PDLIM5: variants seen among roughly 807,000 people sequenced by gnomAD.
The protein encoded by PDLIM5 is PDZ and LIM domain protein 5.
A neutral mutation model predicts 64.2 loss-of-function variants in PDLIM5; 34 were observed. The observed-to-expected ratio is 0.53, with a 90% confidence interval of 0.40 to 0.71. The LOEUF (loss-of-function observed/expected upper bound fraction) is 0.71. Among genes scored for constraint, PDLIM5 ranks in the 30% least tolerant of loss-of-function variants. PDLIM5 has a pLI of 0.00. For synonymous variants in PDLIM5, 253 were observed against 269.1 expected, an observed-to-expected ratio of 0.94 and a Z score of 0.59; for missense variants, 683 against 733.6, an observed-to-expected ratio of 0.93 and a Z score of 0.80.
chr4:94,455,608 A>G (rs1723265579), intron 2 of PDLIM5: 1 of 654,130 alleles, frequency 1.5e-6, no homozygotes, highest in South Asian at 2.0e-5. Context: ...GTTATCAATA[A>G]TAAAATGGAA....
At chr4:94,663,941 C>G (rs761802496) in intron 12 of PDLIM5, 37 bp from the exon 13 acceptor site, 25 of 1,584,736 alleles carry the variant, frequency 1.6e-5, no homozygotes, top group Non-Finnish European at 2.0e-5. Context: ...TTAATATCCT[C>G]TTAAATAATA....
chr4:94,655,194 AT>A (rs1320062996), intron 10 of PDLIM5, among the ~76,000 whole-genome samples: 3 of 152,016 alleles, frequency 2.0e-5, no homozygotes, highest in Non-Finnish European at 2.9e-5. Flanking sequence ...TGGAAAAATA[AT>A]TTTTTTTCCT....
At chr4:94,561,946 A>G (rs1027997697) in intron 3 of PDLIM5, among the ~76,000 whole-genome samples, 1 of 152,230 alleles carries the variant, frequency 6.6e-6, no homozygotes, top group Non-Finnish European at 1.5e-5. Flanking sequence ...TGATTATGTC[A>G]GAAGCAAATT....
chr4:94,537,474 G>A (rs1731412979), intron 3 of PDLIM5, among the ~76,000 whole-genome samples: 1 of 151,950 alleles, frequency 6.6e-6, no homozygotes, highest in Non-Finnish European at 1.5e-5. Context: ...CATTTGAAGA[G>A]GATTTAAATA....
At chr4:94,591,466 T>C (rs907702985) in intron 7 of PDLIM5, among the ~76,000 whole-genome samples, 2 of 152,180 alleles carry the variant, frequency 1.3e-5, no homozygotes, top group Non-Finnish European at 2.9e-5. Context: ...GTGGAGGACT[T>C]GATACCTCTG....
chr4:94,551,063 G>A (rs1258876073), intron 3 of PDLIM5, among the ~76,000 whole-genome samples: 2 of 152,196 alleles, frequency 1.3e-5, no homozygotes, highest in Non-Finnish European at 2.9e-5. Flanking sequence ...AGAACAAGAT[G>A]AAAGGATACC....
At chr4:94,604,826 C>T (rs1332135820) in intron 7 of PDLIM5, among the ~76,000 whole-genome samples, 1 of 152,062 alleles carries the variant, frequency 6.6e-6, no homozygotes, top group Non-Finnish European at 1.5e-5. Context: ...ACTTGAAAAT[C>T]GTTAAGATAG....
In PDLIM5 at chr4:94,494,771, CAG is replaced by C. The variant is rs370449649; in HGVS notation, c.97-28950_97-28949del. ...TTTTTGCTATCGTTGTTTTTTGTGA[CAG>C]AGTCTTGCCCTGTCACCCAGGCTGG... is the stretch of plus-strand genomic sequence containing the variant. On this transcript the variant is annotated intron_variant, in intron 2 of 12. Transcript: ENST00000317968. 3.4e-3 allele frequency among the ~76,000 whole-genome samples: 516 copies of C among 151,132 alleles called. 1 individual carries two copies. Among genetic ancestry groups the C allele is most frequent in the African/African-American group, 0.012 (478 of 41,146 alleles).
intron 2 of PDLIM5, among the ~76,000 whole-genome samples, chr4:94,502,546 G>A (rs1055865425): frequency 6.6e-6 from 1 of 152,044 alleles, no homozygotes; most frequent in African/African-American, 2.4e-5. Context: ...TACAAATTGA[G>A]GATAAAAGTA....
intron 2 of PDLIM5, chr4:94,456,550 C>T: frequency 1.4e-6 from 1 of 719,752 alleles, no homozygotes; most frequent in Non-Finnish European, 2.5e-6. Flanking sequence ...TGAGATCATT[C>T]TCTATTAATA....
chr4:94,650,099 G>A (rs1238669853), intron 9 of PDLIM5, among the ~76,000 whole-genome samples: 1 of 152,210 alleles, frequency 6.6e-6, no homozygotes, highest in African/African-American at 2.4e-5. Flanking sequence ...AATTAAGAGT[G>A]ACAAATACAG....
At chr4:94,618,212 G>T in intron 8 of PDLIM5, 21 bp downstream of exon 8, 2 of 1,531,764 alleles carry the variant, frequency 1.3e-6, no homozygotes, top group South Asian at 2.4e-5. Context: ...GAAATCTCTT[G>T]CGTCTTGCTT....
At chr4:94,505,680 A>G (rs970641480) in intron 2 of PDLIM5, among the ~76,000 whole-genome samples, 4 of 152,124 alleles carry the variant, frequency 2.6e-5, no homozygotes, top group African/African-American at 7.2e-5. Flanking sequence ...CTTTACTTAC[A>G]TTTACCCATT....
At chr4:94,659,655 GT>G (rs1305833205) in intron 11 of PDLIM5, among the ~76,000 whole-genome samples, 5 of 151,516 alleles carry the variant, frequency 3.3e-5, no homozygotes, top group Admixed American at 2.0e-4. Flanking sequence ...AGCCTCCTGA[GT>G]AGCTGGGACT....
chr4:94,527,346 C>T lies in PDLIM5; in HGVS notation c.248+3471C>T, dbSNP rs561437796. On this transcript the variant is annotated intron_variant, in intron 3 of 12. Transcript: ENST00000317968. ...CTGGTATTACAGGCATGAGTCACCA[C>T]GCGTGGCCCTGAACAGCATTCTTAA... 2.1e-4 allele frequency among the ~76,000 whole-genome samples: 32 copies of T among 152,046 alleles called. 1 individual carries two copies. The South Asian group carries it at 4.2e-3, about 20-fold the overall frequency.
Position 94,576,173 on chromosome 4 carries a change from A to G in PDLIM5, c.710+139A>G, listed in dbSNP as rs1735235167. 1.2e-5 allele frequency: 8 copies of G among 670,840 alleles called. No homozygotes were observed. The Admixed American group carries it at 1.7e-4, about 15-fold the overall frequency. The allele number at this position is 670,840 out of a possible 1,614,324, so 41.6% of individuals were successfully genotyped here. A position where few individuals can be genotyped will look rare whatever the true frequency, so the allele number is the denominator to read the frequency against. On this transcript the variant is annotated intron_variant, in intron 5 of 12. Coordinates refer to ENST00000317968, the MANE Select transcript of PDLIM5 (RefSeq NM_006457.5). ...GAAGTATTATTTGCCTCATTAACAT[A>G]TGGCCTTTATATACATAGGGTACTT... is the stretch of plus-strand genomic sequence containing the variant.
intron 8 of PDLIM5, among the ~76,000 whole-genome samples, chr4:94,626,414 T>G (rs1388873647): frequency 6.6e-6 from 1 of 152,230 alleles, no homozygotes; most frequent in Non-Finnish European, 1.5e-5. Context: ...AAGAATTGTT[T>G]AGAGTTCTGT....
chr4:94,557,833 G>A (rs914095426), intron 3 of PDLIM5, among the ~76,000 whole-genome samples: 3 of 152,028 alleles, frequency 2.0e-5, no homozygotes, highest in Non-Finnish European at 2.9e-5. Context: ...TTCTAGATAT[G>A]CAATCATGTC....
rs375802074 is a variant in PDLIM5 at position 94,564,550 on chromosome 4, C to T, written c.249-8801C>T. On this transcript the variant is annotated intron_variant, in intron 3 of 12. Transcript: ENST00000317968. ...TAAAATAGTGTGTCCTTTCCTGTGTCTTGCTTTATTATGCTCCATGGCACT... is the reference window on the plus strand; with the variant it reads ...TAAAATAGTGTGTCCTTTCCTGTGTTTTGCTTTATTATGCTCCATGGCACT... Among the ~76,000 whole-genome samples the T allele has an allele frequency of 7.9e-5, 12 of 151,390 alleles. No individual in the cohort carries two copies. In the East Asian group the frequency reaches 1.4e-3, roughly 17 times the overall value.
Sources: allele counts gnomAD v4.1 joint callset (sites outside exome capture counted in the v4.1 genomes callset), GRCh38; gene constraint gnomAD v4.1.1; transcripts MANE v1.5; gene names NCBI Gene and HGNC (gene_info 2026-07-23, HGNC 2026-07-21).